RNF217: variants seen among roughly 807,000 people sequenced by gnomAD.
The protein encoded by RNF217 is ring finger protein 217, also known as E3 ubiquitin-protein ligase RNF217.
In RNF217, 31 loss-of-function variants were observed where a neutral mutation model predicts 57.8. That is an observed-to-expected ratio of 0.54 (90% CI 0.40 to 0.72). RNF217 has a LOEUF of 0.72. RNF217 is among the 30% of genes least tolerant of loss of function. RNF217 has a pLI of 0.00. For missense variants in RNF217, 696 were observed against 708.3 expected (o/e 0.98, Z 0.20); for synonymous variants, 313 against 294.0 (o/e 1.06, Z -0.66).
intron 1 of RNF217, among the ~76,000 whole-genome samples, chr6:125,019,615 T>C (rs1785747158): frequency 6.6e-6 from 1 of 152,174 alleles, no homozygotes; most frequent in Non-Finnish European, 1.5e-5. Context: ...CCACTTGAAT[T>C]ATAAACCTCT....
chr6:125,010,572 T>C (rs1478384823), intron 1 of RNF217, among the ~76,000 whole-genome samples: 1 of 152,236 alleles, frequency 6.6e-6, no homozygotes, highest in Non-Finnish European at 1.5e-5. Flanking sequence ...TGTTTAAATG[T>C]GCTTCAGTTT....
At chr6:124,978,188 T>C (rs893761907) in intron 1 of RNF217, among the ~76,000 whole-genome samples, 2 of 151,820 alleles carry the variant, frequency 1.3e-5, no homozygotes, top group Non-Finnish European at 2.9e-5. Context: ...TATGGGGCCA[T>C]GTATATGAAT....
Position 125,089,108 on chromosome 6 carries a change from C to G in RNF217, c.*6171C>G, listed in dbSNP as rs1788860768. On this transcript the variant is annotated 3_prime_UTR_variant, in exon 6 of 6. Transcript: ENST00000521654. ...ATTTTATTTGTAAATGGAAATGTATCAGGAGTGCCTGGAACACTTTTCCCT... is the reference window on the plus strand; with the variant it reads ...ATTTTATTTGTAAATGGAAATGTATGAGGAGTGCCTGGAACACTTTTCCCT... The G allele has an allele frequency of 6.6e-6, 1 of 152,316 alleles. No individual in the cohort carries two copies. The highest frequency in any genetic ancestry group is 2.4e-5 in the African/African-American group (1 of 41,444). 9.4% of individuals were successfully genotyped at this position (152,316 alleles called of 1,614,324 possible). A position where few individuals can be genotyped will look rare whatever the true frequency, so the allele number is the denominator to read the frequency against.
At chr6:124,977,727 C>G (rs1326455422) in intron 1 of RNF217, among the ~76,000 whole-genome samples, 2 of 152,180 alleles carry the variant, frequency 1.3e-5, no homozygotes, top group African/African-American at 4.8e-5. Context: ...TAACCGTGCA[C>G]AGTCATATCA....
intron 1 of RNF217, among the ~76,000 whole-genome samples, chr6:125,009,982 A>G (rs896294690): frequency 1.7e-5 from 2 of 116,810 alleles, no homozygotes; most frequent in African/African-American, 3.9e-5. Context: ...ACAGCTTAGC[A>G]TTCTTTTTTT....
At chr6:124,978,083 A>T (rs567621064) in intron 1 of RNF217, among the ~76,000 whole-genome samples, 14 of 152,324 alleles carry the variant, frequency 9.2e-5, no homozygotes, top group African/African-American at 3.4e-4. Context: ...TCATTATGAT[A>T]AAGATAAACA....
chr6:125,018,502 T>C (rs1291226232), intron 1 of RNF217, among the ~76,000 whole-genome samples: 1 of 152,100 alleles, frequency 6.6e-6, no homozygotes. Context: ...TTAGCATTTA[T>C]AAAACTTGAG....
rs754688615 is a variant in RNF217 at position 125,089,974 on chromosome 6, AAGT to A, written c.*7038_*7040del. 15 of 152,136 alleles carry A rather than the reference AAGT, an allele frequency of 9.9e-5. No individual in the cohort carries two copies. Among genetic ancestry groups the A allele is most frequent in the Non-Finnish European group, 1.6e-4 (11 of 68,022 alleles). The allele number at this position is 152,136 out of a possible 1,614,324, so 9.4% of individuals were successfully genotyped here. A position where few individuals can be genotyped will look rare whatever the true frequency, so the allele number is the denominator to read the frequency against. Reference sequence around the variant, plus strand: ...ATGCTTTATGTTTCTTTATAATGAAAAGTCTAGATAAAGTATCATAATTTCATT... The same window carrying A: ...ATGCTTTATGTTTCTTTATAATGAAACTAGATAAAGTATCATAATTTCATT... On this transcript the variant is annotated 3_prime_UTR_variant, in exon 6 of 6. Coordinates refer to ENST00000521654, the MANE Select transcript of RNF217 (RefSeq NM_001286398.3).
intron 5 of RNF217, among the ~76,000 whole-genome samples, chr6:125,081,967 T>C (rs1186834679): frequency 6.6e-6 from 1 of 152,108 alleles, no homozygotes; most frequent in East Asian, 1.9e-4. Context: ...ACTTGAGCAC[T>C]GACAAATAGA....
intron 2 of RNF217, among the ~76,000 whole-genome samples, chr6:125,053,342 T>C (rs747819349): frequency 6.6e-6 from 1 of 152,138 alleles, no homozygotes; most frequent in Non-Finnish European, 1.5e-5. Flanking sequence ...TACTTGAAGG[T>C]GCCCAATAAA....
At chr6:125,070,195 A>G (rs1788084114) in intron 3 of RNF217, among the ~76,000 whole-genome samples, 1 of 152,194 alleles carries the variant, frequency 6.6e-6, no homozygotes, top group Non-Finnish European at 1.5e-5. Context: ...CATTTCTTTT[A>G]TGCTCTTCAG....
chr6:125,007,501 C>T (rs1032055581), intron 1 of RNF217, among the ~76,000 whole-genome samples: 3 of 152,168 alleles, frequency 2.0e-5, no homozygotes, highest in African/African-American at 7.2e-5. Context: ...CCTGCCTCAG[C>T]CTCCCAAAGT....
intron 1 of RNF217, among the ~76,000 whole-genome samples, chr6:125,014,289 T>C (rs561516946): frequency 2.6e-5 from 4 of 152,336 alleles, no homozygotes; most frequent in Non-Finnish European, 4.4e-5. Context: ...CTCACAGTTA[T>C]TGAGTTTGTA....
intron 3 of RNF217, among the ~76,000 whole-genome samples, chr6:125,060,650 G>A (rs1787694229): frequency 6.6e-6 from 1 of 151,976 alleles, no homozygotes; most frequent in South Asian, 2.1e-4. Flanking sequence ...TCACCATGTT[G>A]GCCAGGTTGG....
chr6:125,021,565 A>T (rs9401795), intron 1 of RNF217, among the ~76,000 whole-genome samples: 3 of 152,046 alleles, frequency 2.0e-5, no homozygotes, highest in African/African-American at 7.3e-5. Flanking sequence ...GCACCCGGCC[A>T]GAAAATGCTT....
intron 1 of RNF217, chr6:125,009,309 A>G: frequency 6.7e-7 from 1 of 1,486,144 alleles, no homozygotes; most frequent in East Asian, 2.3e-5. Context: ...AAGAAGCCAC[A>G]TTTATTTGTG....
intron 1 of RNF217, among the ~76,000 whole-genome samples, chr6:125,039,290 G>T (rs1165685864): frequency 2.0e-5 from 3 of 151,792 alleles, no homozygotes; most frequent in African/African-American, 7.3e-5. Context: ...CCGAAGCAAG[G>T]GTTGCAATCC....
At chr6:125,036,145 C>T (rs754646178) in intron 1 of RNF217, among the ~76,000 whole-genome samples, 47 of 152,060 alleles carry the variant, frequency 3.1e-4, no homozygotes, top group African/African-American at 7.5e-4. Context: ...TCTAATCGTT[C>T]GACTCCCACT....
intron 1 of RNF217, among the ~76,000 whole-genome samples, chr6:124,977,408 G>A (rs895636410): frequency 6.6e-6 from 1 of 151,916 alleles, no homozygotes; most frequent in Non-Finnish European, 1.5e-5. Context: ...GACCTTTGAA[G>A]CTTAGGATCA....
Sources: allele counts gnomAD v4.1 joint callset (sites outside exome capture counted in the v4.1 genomes callset), GRCh38; gene constraint gnomAD v4.1.1; transcripts MANE v1.5; gene names NCBI Gene and HGNC (gene_info 2026-07-23, HGNC 2026-07-21).